Variants in PTPRK observed in about 807,000 individuals in gnomAD.
PTPRK encodes receptor-type tyrosine-protein phosphatase kappa.
In PTPRK, 75 loss-of-function variants were observed where a neutral mutation model predicts 178.0. The ratio of observed to expected loss-of-function variants is 0.42; its 90% CI spans 0.35 to 0.51. The LOEUF (loss-of-function observed/expected upper bound fraction) is 0.51. PTPRK is among the 20% of genes least tolerant of loss of function. The probability of loss-of-function intolerance (pLI) is 0.02; values close to 1 mark genes in which losing one functional copy is unlikely to be tolerated. For missense variants in PTPRK, 1,441 were observed against 1,797.8 expected (o/e 0.80, Z 3.59); for synonymous variants, 637 against 620.6 (o/e 1.03, Z -0.39).
At chr6:127,980,265 G>A (rs188950931) in intron 25 of PTPRK, among the ~76,000 whole-genome samples, 2 of 152,072 alleles carry the variant, frequency 1.3e-5, no homozygotes, top group South Asian at 4.1e-4. Context: ...AGCCGAGATT[G>A]TGCCATTGCA....
At chr6:128,406,950 G>A (rs1020819900) in intron 1 of PTPRK, among the ~76,000 whole-genome samples, 3 of 152,150 alleles carry the variant, frequency 2.0e-5, no homozygotes, top group South Asian at 2.1e-4. Context: ...TTAAAGGGGG[G>A]AATAGTGAAT....
intron 1 of PTPRK, among the ~76,000 whole-genome samples, chr6:128,447,403 C>T (rs929111619): frequency 6.6e-6 from 1 of 152,182 alleles, no homozygotes; most frequent in Admixed American, 6.5e-5. Context: ...ATTAAATGCT[C>T]ACAAAACCAC....
chr6:128,408,182 G>A (rs1841911785), intron 1 of PTPRK, among the ~76,000 whole-genome samples: 1 of 152,196 alleles, frequency 6.6e-6, no homozygotes, highest in Non-Finnish European at 1.5e-5. Flanking sequence ...GAGGTCAGGA[G>A]TTCGAGACCA....
chr6:128,006,846 A>G (rs977965367), intron 14 of PTPRK, among the ~76,000 whole-genome samples: 2 of 150,968 alleles, frequency 1.3e-5, no homozygotes, highest in Non-Finnish European at 3.0e-5. Context: ...AACTTACTTT[A>G]TACATATCCT....
chr6:128,001,137 A>G (rs1777785944), intron 15 of PTPRK: 1 of 1,327,322 alleles, frequency 7.5e-7, no homozygotes, highest in Non-Finnish European at 1.0e-6. Context: ...TTTAAGAATA[A>G]TAACTTGAAA....
chr6:128,168,931 C>T (rs893305598), intron 7 of PTPRK, among the ~76,000 whole-genome samples: 3 of 152,034 alleles, frequency 2.0e-5, no homozygotes, highest in African/African-American at 7.2e-5. Flanking sequence ...TTTGTGACAT[C>T]GTGGGTAAAC....
rs28619514 is a variant in PTPRK at position 128,462,059 on chromosome 6, G to A, written c.100+58200C>T. On this transcript the variant is annotated intron_variant, in intron 1 of 29. Coordinates refer to ENST00000368226, the MANE Select transcript of PTPRK (RefSeq NM_002844.4). The stretch of plus-strand genomic sequence containing the variant: ...GCCCAGGCTATACTCCAACTCCTGC[G>A]CTCAAGCAATGCTCCTGCCTCAGCC... Among the ~76,000 whole-genome samples the A allele has an allele frequency of 0.015, 2,319 of 152,020 alleles. 261 individuals are homozygous for A. In the East Asian group the frequency reaches 0.32, roughly 21 times the overall value.
intron 3 of PTPRK, among the ~76,000 whole-genome samples, chr6:128,249,371 G>T (rs774339762): frequency 6.7e-6 from 1 of 148,724 alleles, no homozygotes; most frequent in Non-Finnish European, 1.5e-5. Context: ...AGTCAGTAAA[G>T]AGTTTATGGA....
At chr6:128,324,998 A>T (rs1829350131) in intron 2 of PTPRK, among the ~76,000 whole-genome samples, 1 of 152,184 alleles carries the variant, frequency 6.6e-6, no homozygotes, top group Non-Finnish European at 1.5e-5. Flanking sequence ...CTTATTTACG[A>T]TTGTTCTGTT....
intron 1 of PTPRK, among the ~76,000 whole-genome samples, chr6:128,440,125 T>C (rs538497150): frequency 1.3e-5 from 2 of 152,280 alleles, no homozygotes; most frequent in South Asian, 4.1e-4. Context: ...GGGCCAACTG[T>C]AGGACTTGAG....
At chr6:128,422,467 G>A (rs1472785465) in intron 1 of PTPRK, among the ~76,000 whole-genome samples, 1 of 152,012 alleles carries the variant, frequency 6.6e-6, no homozygotes, top group Non-Finnish European at 1.5e-5. Flanking sequence ...GCATTCCTGA[G>A]CTCTCCATGG....
At chr6:128,002,716 C>T (rs1457462800) in intron 15 of PTPRK, among the ~76,000 whole-genome samples, 1 of 151,878 alleles carries the variant, frequency 6.6e-6, no homozygotes, top group Non-Finnish European at 1.5e-5. Flanking sequence ...ACTTTACCTA[C>T]ATTAAAACAT....
chr6:128,387,951 A>G (rs1396596359), intron 2 of PTPRK, among the ~76,000 whole-genome samples: 1 of 145,196 alleles, frequency 6.9e-6, no homozygotes, highest in African/African-American at 2.5e-5. Context: ...ATGAGCTTAC[A>G]AAAAAAAAAA....
chr6:128,192,829 G>C (rs1346115886), intron 6 of PTPRK, among the ~76,000 whole-genome samples: 1 of 146,948 alleles, frequency 6.8e-6, no homozygotes, highest in Non-Finnish European at 1.5e-5. Flanking sequence ...AAAAAGGGAA[G>C]GGAAGGGAAG....
chr6:128,260,085 A>G (rs1049800805), intron 3 of PTPRK, among the ~76,000 whole-genome samples: 7 of 152,216 alleles, frequency 4.6e-5, no homozygotes, highest in African/African-American at 1.7e-4. Context: ...AGTATTTATC[A>G]AAATATAATT....
At chr6:128,149,165 G>A (rs956194042) in intron 7 of PTPRK, among the ~76,000 whole-genome samples, 3 of 119,320 alleles carry the variant, frequency 2.5e-5, no homozygotes, top group Admixed American at 1.0e-4. Context: ...GGGGCCTGTC[G>A]TGGGGTGGGG....
intron 8 of PTPRK, among the ~76,000 whole-genome samples, chr6:128,086,281 G>A (rs569393961): frequency 3.7e-4 from 57 of 152,164 alleles, no homozygotes; most frequent in Middle Eastern, 3.4e-3. Flanking sequence ...TGTAATAAAT[G>A]TACTTTCAAA....
At chr6:128,361,741 ATAG>A (rs1258010245) in intron 2 of PTPRK, among the ~76,000 whole-genome samples, 1 of 152,214 alleles carries the variant, frequency 6.6e-6, no homozygotes, top group African/African-American at 2.4e-5. Flanking sequence ...CTATAAAAAT[ATAG>A]TAGTATAATC....
intron 7 of PTPRK, among the ~76,000 whole-genome samples, chr6:128,136,271 A>C (rs1252952763): frequency 1.3e-5 from 2 of 152,220 alleles, no homozygotes; most frequent in East Asian, 3.8e-4. Flanking sequence ...TTGTTATGGC[A>C]TCCTAGGCAG....
Sources: allele counts gnomAD v4.1 joint callset (sites outside exome capture counted in the v4.1 genomes callset), GRCh38; gene constraint gnomAD v4.1.1; transcripts MANE v1.5; gene names NCBI Gene and HGNC (gene_info 2026-07-23, HGNC 2026-07-21).